The following TNXB variants were observed in gnomAD, a reference collection of about 807,000 sequenced individuals.
TNXB encodes tenascin XB, also known as tenascin-X.
In TNXB, 183 loss-of-function variants were observed where a neutral mutation model predicts 340.5. That is an observed-to-expected ratio of 0.54 (90% CI 0.48 to 0.61). The LOEUF (loss-of-function observed/expected upper bound fraction) is 0.61. TNXB is among the 20% of genes least tolerant of loss of function. The probability of loss-of-function intolerance (pLI) is 0.00; values close to 1 mark genes in which losing one functional copy is unlikely to be tolerated. For missense variants in TNXB, 4,613 were observed against 5,446.4 expected, an observed-to-expected ratio of 0.85 and a Z score of 4.82; for synonymous variants, 2,121 against 2,314.5, an observed-to-expected ratio of 0.92 and a Z score of 2.40.
rs1487730962 is a variant in TNXB at position 32,095,067 on chromosome 6, C to A, written c.2358+9G>T. 1.9e-5 allele frequency: 30 copies of A among 1,546,498 alleles called. No homozygotes were observed. The highest frequency in any genetic ancestry group is 2.6e-5 in the Non-Finnish European group (30 of 1,144,592). On this transcript the variant is annotated intron_variant, in intron 4 of 43. Transcript: ENST00000644971. ...TCAGTCCCCTCCTGGAGCCTGGCAT[C>A]TCTCTCACCGTGGGGATGAACTGAA...
Position 32,096,438 on chromosome 6 carries a change from C to T in TNXB, c.1415G>A (p.Gly472Asp). Reference sequence around the variant, plus strand: ...GCGGCCACTCTCACAGCGGCCCCGGCCACGACAGTCCCCAGGACAGCTGCG... The same window carrying T: ...GCGGCCACTCTCACAGCGGCCCCGGTCACGACAGTCCCCAGGACAGCTGCG... ...GVRSCPGDCR[G>D]RGRCESGRCM... Residue 472 changes from glycine (G) to aspartate (D), a missense_variant, in exon 3 of 44, where the codon GGC becomes GAC. By Grantham distance (94) the Gly-to-Asp change is moderately conservative. Coordinates refer to ENST00000644971, the MANE Select transcript of TNXB (RefSeq NM_001365276.2). 1 of 1,595,498 alleles carries T rather than the reference C, an allele frequency of 6.3e-7. No homozygotes were observed. The highest frequency in any genetic ancestry group is 2.2e-5 in the East Asian group (1 of 44,608).
In TNXB at chr6:32,050,249, A is replaced by G; in HGVS notation, c.9188T>C (p.Leu3063Pro). The stretch of plus-strand genomic sequence containing the variant: ...GGCATCTGTCACGGTCAGCTCCCCC[A>G]GGCGAGGCTTGATGGGGGGCTCAGG... ...MTPEPPIKPR[L>P]GELTVTDATP... Residue 3063 changes from leucine to proline, a missense_variant, in exon 27 of 44, where the codon CTG (leucine) becomes CCG (proline). This residue lies in a region of TNXB where 4,327 missense variants were observed against 4,859.4 expected (regional missense o/e 0.89). Coordinates refer to ENST00000644971, the MANE Select transcript of TNXB (RefSeq NM_001365276.2). 16 of 1,613,506 alleles carry G rather than the reference A, an allele frequency of 9.9e-6. No individual in the cohort carries two copies. Among genetic ancestry groups the G allele is most frequent in the African/African-American group, 1.3e-5 (1 of 74,990 alleles).
At chr6:32,093,320 T>C (rs1288902773) in intron 4 of TNXB, 4 of 687,742 alleles carry the variant, frequency 5.8e-6, no homozygotes, top group Non-Finnish European at 1.1e-5. Flanking sequence ...GATTAAAGTA[T>C]TTTTATAACA....
intron 1 of TNXB, among the ~76,000 whole-genome samples, chr6:32,099,946 TA>T (rs34833929): frequency 0.073 from 4,605 of 62,790 alleles, 64 homozygotes; most frequent in Middle Eastern, 0.18. Flanking sequence ...CATCCCTAAG[TA>T]AAAAAAAAAA....
At chr6:32,092,172 C>T (rs1780104505) in intron 4 of TNXB, among the ~76,000 whole-genome samples, 1 of 152,188 alleles carries the variant, frequency 6.6e-6, no homozygotes, top group Non-Finnish European at 1.5e-5. Flanking sequence ...ATACAGGTTA[C>T]TGGGCTCTGT....
Position 32,086,511 on chromosome 6 carries a change from G to A in TNXB, c.2780-393C>T, listed in dbSNP as rs899052014. The stretch of plus-strand genomic sequence containing the variant: ...GAAGAAAGACAGTGGTGTTAGAGAG[G>A]GAGGATGCAAGAGGAGAGTGGGCAG... On this transcript the variant is annotated intron_variant, in intron 6 of 43. Coordinates refer to ENST00000644971, the MANE Select transcript of TNXB (RefSeq NM_001365276.2). Among the ~76,000 whole-genome samples, 3 of 152,196 alleles carry A rather than the reference G, an allele frequency of 2.0e-5. No homozygotes were observed. In the East Asian group the frequency reaches 5.8e-4, roughly 29 times the overall value.
rs563545489 is a variant in TNXB, at chr6:32,098,154, C to T, written c.45G>A (p.Leu15=). 3 of 1,567,654 alleles carry T rather than the reference C, an allele frequency of 1.9e-6. No homozygotes were observed. The highest frequency in any genetic ancestry group is 2.3e-5 in the South Asian group (2 of 86,562). Residue 15 remains leucine, a synonymous_variant, in exon 2 of 44, where the codon CTG becomes CTA. Coordinates refer to ENST00000644971, the MANE Select transcript of TNXB (RefSeq NM_001365276.2). ...CTGCTCTGGCTGTGCTCAGCAGCAC[C>T]AGGAGAACCAGGCTGGAGGTTAGAG... ...QYALTSSLVL[L]VLLSTARAGP... is the part of the protein sequence containing the mutation.
chr6:32,092,690 C>T (rs1343658393), intron 4 of TNXB, among the ~76,000 whole-genome samples: 2 of 136,084 alleles, frequency 1.5e-5, no homozygotes, highest in South Asian at 4.9e-4. Flanking sequence ...AACTCTGTCT[C>T]AAAAAAAAAA....
In TNXB at chr6:32,048,583, C is replaced by T. The variant is rs1483216432; in HGVS notation, c.9825G>A (p.Ser3275=). The T allele has an allele frequency of 7.2e-6, 11 of 1,524,498 alleles. No homozygotes were observed. The highest frequency in any genetic ancestry group is 3.9e-5 in the Admixed American group (2 of 51,632). The allele number at this position is 1,524,498 out of a possible 1,614,324, so 94.4% of individuals were successfully genotyped here. A position where few individuals can be genotyped will look rare whatever the true frequency, so the allele number is the denominator to read the frequency against. ...CCGTCCATGAGAGGCCCACTGAGTC[C>T]GAGGTCACGGCCGCCACCGCCAGCT... is the stretch of plus-strand genomic sequence containing the variant. ...LGELAVAAVT[S]DSVGLSWTVA... Residue 3275 remains serine (S), a synonymous_variant, in exon 29 of 44, where the codon TCG becomes TCA. Transcript: ENST00000644971.
rs758528013 is a variant in TNXB, at chr6:32,047,926, G to A, written c.10132C>T (p.Pro3378Ser). The A allele has an allele frequency of 3.0e-5, 48 of 1,612,522 alleles. No individual in the cohort carries two copies. The highest frequency in any genetic ancestry group is 5.9e-6 in the Non-Finnish European group (7 of 1,179,680). Reference sequence around the variant, plus strand: ...ACGAAGGAGTCGAATTCGCCCTCAGGGACCGTCCACGAGAGGCCCACGGAG... The same window carrying A: ...ACGAAGGAGTCGAATTCGCCCTCAGAGACCGTCCACGAGAGGCCCACGGAG... ...PDSVGLSWTV[P>S]EGEFDSFVVQ... The change falls in exon 30 of 44, where the codon CCT becomes TCT. Residue 3378 changes from proline (P) to serine (S), a missense_variant. Pro to Ser is a moderately conservative substitution (Grantham distance 74). Coordinates refer to ENST00000644971, the MANE Select transcript of TNXB (RefSeq NM_001365276.2). This position sits in a 1 kb window ranked among gnomAD's most constrained non-coding sequence, Gnocchi z 6.2.
At chr6:32,103,879 C>G (rs937427630) in intron 1 of TNXB, among the ~76,000 whole-genome samples, 1 of 151,882 alleles carries the variant, frequency 6.6e-6, no homozygotes. Context: ...CTACAGGCAC[C>G]CGCTACCACA....
In TNXB at chr6:32,069,447, C is replaced by T. The variant is rs973240831; in HGVS notation, c.5587+106G>A. 2 of 1,334,986 alleles carry T rather than the reference C, an allele frequency of 1.5e-6. No individual in the cohort carries two copies. The highest frequency in any genetic ancestry group is 2.0e-6 in the Non-Finnish European group (2 of 1,002,826). 82.7% of individuals were successfully genotyped at this position (1,334,986 alleles called of 1,614,324 possible). A position where few individuals can be genotyped will look rare whatever the true frequency, so the allele number is the denominator to read the frequency against. On this transcript the variant is annotated intron_variant, in intron 15 of 43. Coordinates refer to ENST00000644971, the MANE Select transcript of TNXB (RefSeq NM_001365276.2). This position sits in a 1 kb window ranked among gnomAD's most constrained non-coding sequence, Gnocchi z 6.2. ...AGGGGCACAAGGAAACTTTCTGGAT[C>T]AATGGAAATGATATAAAATGGGAAG...
rs1170285033 is a variant in TNXB, at chr6:32,079,572, C to T, written c.4043-207G>A. Among the ~76,000 whole-genome samples, 1 of 152,164 alleles carries T rather than the reference C, an allele frequency of 6.6e-6. No individual in the cohort carries two copies. The highest frequency in any genetic ancestry group is 1.5e-5 in the Non-Finnish European group (1 of 68,028). On this transcript the variant is annotated intron_variant, in intron 10 of 43. Coordinates refer to ENST00000644971, the MANE Select transcript of TNXB (RefSeq NM_001365276.2). This position sits in a 1 kb window ranked among gnomAD's most constrained non-coding sequence, Gnocchi z 7.1. ...TCTGTGGGGGTGAGGGGTCTCCCTT[C>T]GTGTCTGAGAAAGGAGCTGAGATGG... is the stretch of plus-strand genomic sequence containing the variant.
Position 32,108,565 on chromosome 6 carries a change from C to G in TNXB, c.-9+616G>C, listed in dbSNP as rs1284381723. ...CTCTCTGCAGGCTCTGTGCACGTCC[C>G]AGACCCGAGTCCTGACTGTCCCATT... On this transcript the variant is annotated intron_variant, in intron 1 of 43. Coordinates refer to ENST00000644971, the MANE Select transcript of TNXB (RefSeq NM_001365276.2). This position sits in a 1 kb window ranked among gnomAD's most constrained non-coding sequence, Gnocchi z 4.8. 1.3e-5 allele frequency among the ~76,000 whole-genome samples: 2 copies of G among 152,132 alleles called. No individual in the cohort carries two copies. Among genetic ancestry groups the G allele is most frequent in the Non-Finnish European group, 2.9e-5 (2 of 68,012 alleles).
At position 32,067,812 on chromosome 6, in the gene TNXB, G is replaced by C; in HGVS notation, c.6393C>G (p.Asp2131Glu). The C allele has an allele frequency of 1.2e-6, 2 of 1,613,410 alleles. No homozygotes were observed. Among genetic ancestry groups the C allele is most frequent in the Non-Finnish European group, 1.7e-6 (2 of 1,179,890 alleles). Reference sequence around the variant, plus strand: ...GCACCACCTGGGGCCGCCCGTCCCTGTCCTTGTACTGCACGGTGAAGGAGT... The same window carrying C: ...GCACCACCTGGGGCCGCCCGTCCCTCTCCTTGTACTGCACGGTGAAGGAGT... ...RFDSFTVQYK[D>E]RDGRPQVVRV... The change falls in exon 18 of 44, where the codon GAC (aspartate) becomes GAG (glutamate). Residue 2131 changes from aspartate to glutamate, a missense_variant. This residue lies in a region of TNXB where 4,327 missense variants were observed against 4,859.4 expected (regional missense o/e 0.89). Coordinates refer to ENST00000644971, the MANE Select transcript of TNXB (RefSeq NM_001365276.2). This position sits in a 1 kb window ranked among gnomAD's most constrained non-coding sequence, Gnocchi z 4.2.
rs1777038689 is a variant in TNXB, at chr6:32,048,421, C to T, written c.9987G>A (p.Leu3329=). 6.4e-7 allele frequency: 1 copy of T among 1,557,412 alleles called. No individual in the cohort carries two copies. The highest frequency in any genetic ancestry group is 8.7e-7 in the Non-Finnish European group (1 of 1,147,044). The part of the protein sequence containing the change: ...GLDPARKYKF[L]LFGLQNGKRH... The stretch of plus-strand genomic sequence containing the variant: ...GTTTCCCATTCTGGAGTCCAAAGAG[C>T]AGGAACTTGTACTTGCGGGCCGGGT... Residue 3329 remains leucine, a synonymous_variant, in exon 29 of 44, where the codon CTG becomes CTA. Coordinates refer to ENST00000644971, the MANE Select transcript of TNXB (RefSeq NM_001365276.2).
At position 32,064,619 on chromosome 6, in the gene TNXB, G is replaced by A. The variant is rs1778219059; in HGVS notation, c.6841+202C>T. 2.6e-5 allele frequency among the ~76,000 whole-genome samples: 4 copies of A among 152,190 alleles called. No individual in the cohort carries two copies. Among genetic ancestry groups the A allele is most frequent in the Admixed American group, 2.6e-4 (4 of 15,290 alleles). ...TATTTTCCTGGTCCCCCACCTCTTT[G>A]GGAACCCAAAAAGCCCATGTGTAAC... On this transcript the variant is annotated intron_variant, in intron 19 of 43. Coordinates refer to ENST00000644971, the MANE Select transcript of TNXB (RefSeq NM_001365276.2). The surrounding 1 kb of genome is among the most constrained non-coding windows in gnomAD (Gnocchi z 5.3).
rs754396670 is a variant in TNXB at position 32,050,149 on chromosome 6, A to G, written c.9288T>C (p.Asn3096=). ...GCACCGCCTTGGGCTGCCCATCCCC[A>G]TTCCTGTACTGGACCAGGAAGTGGT... ...QFDHFLVQYR[N]GDGQPKAVRV... Residue 3096 remains asparagine (N), a synonymous_variant, in exon 27 of 44, where the codon AAT becomes AAC. Coordinates refer to ENST00000644971, the MANE Select transcript of TNXB (RefSeq NM_001365276.2). 2.4e-5 allele frequency: 39 copies of G among 1,613,674 alleles called. No homozygotes were observed. Among genetic ancestry groups the G allele is most frequent in the Non-Finnish European group, 3.0e-5 (35 of 1,179,866 alleles).
In TNXB at chr6:32,074,542, C is replaced by T. The variant is rs1362645172; in HGVS notation, c.4376-590G>A. Reference sequence around the variant, plus strand: ...CCAGATTTACACCCTCTGTCCAGACCTCTCCTGAACCCCAGACTAGTGTTC... The same window carrying T: ...CCAGATTTACACCCTCTGTCCAGACTTCTCCTGAACCCCAGACTAGTGTTC... On this transcript the variant is annotated intron_variant, in intron 11 of 43. Transcript: ENST00000644971. The surrounding 1 kb of genome is among the most constrained non-coding windows in gnomAD (Gnocchi z 5.5). Among the ~76,000 whole-genome samples the T allele has an allele frequency of 6.6e-6, 1 of 152,092 alleles. No individual in the cohort carries two copies. The highest frequency in any genetic ancestry group is 2.4e-5 in the African/African-American group (1 of 41,394).
Sources: gnomAD v4.1 joint callset for allele counts (sites outside exome capture counted in the v4.1 genomes callset) on GRCh38, gnomAD v4.1.1 for gene constraint, gnomAD v4.1.1 regional missense constraint, Gnocchi (gnomAD v3.1) non-coding constraint, MANE v1.5 for transcripts, NCBI Gene and HGNC (gene_info 2026-07-23, HGNC 2026-07-21) for gene names.